Variants in CLIC4 observed in about 807,000 individuals in gnomAD.
CLIC4 encodes the protein CLIC family member 4.
In CLIC4, 13 loss-of-function variants were observed where a neutral mutation model predicts 24.6. The ratio of observed to expected loss-of-function variants is 0.53; its 90% confidence interval spans 0.34 to 0.84. The LOEUF is 0.84. Ranked by LOEUF, CLIC4 falls within the 40% of genes least tolerant of loss-of-function variation. CLIC4 has a pLI of 0.01. For synonymous variants in CLIC4, 104 were observed against 111.3 expected (o/e 0.93, Z 0.41); for missense variants, 227 against 301.7 (o/e 0.75, Z 1.83).
At chr1:24,791,903 G>A (rs1639343840) in intron 1 of CLIC4, among the ~76,000 whole-genome samples, 1 of 149,476 alleles carries the variant, frequency 6.7e-6, no homozygotes, top group African/African-American at 2.5e-5. Flanking sequence ...AAATAAATAA[G>A]CCAGCCATGG....
At chr1:24,793,788 C>T (rs183230482) in intron 1 of CLIC4, among the ~76,000 whole-genome samples, 2 of 151,886 alleles carry the variant, frequency 1.3e-5, no homozygotes, top group East Asian at 3.9e-4. Context: ...CACTATAAGC[C>T]CACTTTTTTT....
Position 24,844,289 on chromosome 1 carries a change from C to G in CLIC4, c.*3352C>G, listed in dbSNP as rs1348478816. The G allele has an allele frequency of 1.3e-5, 2 of 152,424 alleles. No individual in the cohort carries two copies. Among genetic ancestry groups the G allele is most frequent in the African/African-American group, 2.4e-5 (1 of 41,398 alleles). The allele number at this position is 152,424 out of a possible 1,614,324, so 9.4% of individuals were successfully genotyped here. A position where few individuals can be genotyped will look rare whatever the true frequency, so the allele number is the denominator to read the frequency against. ...TATCATAAAGGATTCTTTTTTCCCCCCTCATGAAAATAAACAACAACTTGG... is the reference window on the plus strand; with the variant it reads ...TATCATAAAGGATTCTTTTTTCCCCGCTCATGAAAATAAACAACAACTTGG... On this transcript the variant is annotated 3_prime_UTR_variant, in exon 6 of 6. Transcript: ENST00000374379.
At chr1:24,780,665 A>G (rs1031991488) in intron 1 of CLIC4, among the ~76,000 whole-genome samples, 6 of 152,224 alleles carry the variant, frequency 3.9e-5, no homozygotes, top group African/African-American at 1.4e-4. Context: ...TAGGCTTGCT[A>G]TTCCCTGGGA....
chr1:24,767,930 GCCTCC>G (rs1335894217), intron 1 of CLIC4, among the ~76,000 whole-genome samples: 1 of 151,736 alleles, frequency 6.6e-6, no homozygotes, highest in Non-Finnish European at 1.5e-5. Flanking sequence ...TACAACCTCT[GCCTCC>G]CAGGTTCAAG....
intron 1 of CLIC4, among the ~76,000 whole-genome samples, chr1:24,775,989 G>A (rs1481054719): frequency 6.6e-6 from 1 of 152,022 alleles, no homozygotes; most frequent in Non-Finnish European, 1.5e-5. Flanking sequence ...TCTAAAGCAG[G>A]CAATTGATTA....
intron 2 of CLIC4, among the ~76,000 whole-genome samples, chr1:24,803,285 A>G (rs983235582): frequency 1.3e-5 from 2 of 152,156 alleles, no homozygotes; most frequent in Non-Finnish European, 2.9e-5. Context: ...ATTGCCTAAT[A>G]TCTTGGTGAG....
chr1:24,782,821 G>T (rs998995661), intron 1 of CLIC4, among the ~76,000 whole-genome samples: 3 of 151,934 alleles, frequency 2.0e-5, no homozygotes, highest in Non-Finnish European at 1.5e-5. Context: ...CTACAAAAAA[G>T]TAAAAAAATT....
At chr1:24,821,999 C>T (rs772614974) in intron 3 of CLIC4, among the ~76,000 whole-genome samples, 2 of 152,182 alleles carry the variant, frequency 1.3e-5, no homozygotes, top group Admixed American at 1.3e-4. Flanking sequence ...CTCTGTTAAT[C>T]CTCACAAAGA....
intron 2 of CLIC4, 132 bp from the exon 3 acceptor site, chr1:24,813,962 C>G: frequency 3.1e-6 from 3 of 973,156 alleles, no homozygotes; most frequent in Non-Finnish European, 4.8e-6. Context: ...AAGCAGTGTC[C>G]CACCTCAGCC....
intron 4 of CLIC4, among the ~76,000 whole-genome samples, chr1:24,838,865 A>C (rs886668740): frequency 6.6e-6 from 1 of 152,198 alleles, no homozygotes; most frequent in Non-Finnish European, 1.5e-5. Flanking sequence ...AACAACAGAC[A>C]GATCTTCTAT....
At chr1:24,823,341 T>TA (rs1317310835) in intron 3 of CLIC4, among the ~76,000 whole-genome samples, 3 of 152,168 alleles carry the variant, frequency 2.0e-5, no homozygotes, top group Non-Finnish European at 4.4e-5. Flanking sequence ...ACCACTTTGC[T>TA]AAAAAACTTT....
At chr1:24,747,346 C>G (rs1259519620) in intron 1 of CLIC4, among the ~76,000 whole-genome samples, 2 of 151,344 alleles carry the variant, frequency 1.3e-5, no homozygotes, top group African/African-American at 2.4e-5. Flanking sequence ...CCATCCTGGC[C>G]AACATGGTGA....
At chr1:24,802,717 T>C (rs1012461638) in intron 2 of CLIC4, among the ~76,000 whole-genome samples, 13 of 150,848 alleles carry the variant, frequency 8.6e-5, no homozygotes, top group Non-Finnish European at 1.3e-4. Flanking sequence ...TTTTCTTTTT[T>C]TTTTTTTTTT....
At chr1:24,831,367 C>T (rs561629998) in intron 4 of CLIC4, among the ~76,000 whole-genome samples, 47 of 152,156 alleles carry the variant, frequency 3.1e-4, no homozygotes, top group East Asian at 1.5e-3. Context: ...CTTGCACTGA[C>T]GAATACTATG....
chr1:24,762,508 C>G (rs1638940652), intron 1 of CLIC4, among the ~76,000 whole-genome samples: 1 of 152,048 alleles, frequency 6.6e-6, no homozygotes, highest in Admixed American at 6.6e-5. Context: ...ACTCTAAACA[C>G]TTAGGGGTTG....
At chr1:24,793,056 C>T (rs1266701346) in intron 1 of CLIC4, 1 of 151,956 alleles carries the variant, frequency 6.6e-6, no homozygotes, top group Non-Finnish European at 1.5e-5. Context: ...TTTAACACTG[C>T]TTTGACAGGC....
intron 1 of CLIC4, among the ~76,000 whole-genome samples, chr1:24,767,043 A>AAAAAAG (rs1557797327): frequency 4.3e-5 from 6 of 140,458 alleles, no homozygotes; most frequent in African/African-American, 1.2e-4. Context: ...AAAAAAAAAA[A>AAAAAAG]AAAAAGAAAA....
At chr1:24,776,448 T>C (rs1412649998) in intron 1 of CLIC4, among the ~76,000 whole-genome samples, 1 of 152,234 alleles carries the variant, frequency 6.6e-6, no homozygotes, top group Non-Finnish European at 1.5e-5. Flanking sequence ...ATAGCTGTTA[T>C]GATAGGCAGA....
intron 1 of CLIC4, among the ~76,000 whole-genome samples, chr1:24,760,202 T>A (rs931333813): frequency 6.6e-6 from 1 of 151,854 alleles, no homozygotes; most frequent in Non-Finnish European, 1.5e-5. Flanking sequence ...CCGTCTCTAC[T>A]AAGACTACAA....
Sources: gnomAD v4.1 joint callset for allele counts (sites outside exome capture counted in the v4.1 genomes callset) on GRCh38, gnomAD v4.1.1 for gene constraint, MANE v1.5 for transcripts, NCBI Gene and HGNC (gene_info 2026-07-23, HGNC 2026-07-21) for gene names.